The following LRRC69 variants were observed in gnomAD, a reference collection of about 807,000 sequenced individuals.
The protein encoded by LRRC69 is leucine rich repeat containing 69.
LRRC69 carries 42 observed loss-of-function variants against 37.8 expected under a neutral mutation model. The observed-to-expected ratio is 1.11, with a 90% CI of 0.87 to 1.44. LRRC69 has a LOEUF of 1.44. Ranked by LOEUF, LRRC69 falls within the 40% of genes most tolerant of loss-of-function variation. LRRC69 has a pLI of 0.00. For synonymous variants in LRRC69, 141 were observed against 143.1 expected (o/e 0.99, Z 0.11); for missense variants, 357 against 401.9 (o/e 0.89, Z 0.96).
At chr8:91,142,027 A>G (rs551517566) in intron 5 of LRRC69, among the ~76,000 whole-genome samples, 1 of 152,132 alleles carries the variant, frequency 6.6e-6, no homozygotes, top group South Asian at 2.1e-4. Context: ...AACAGAAAAA[A>G]AAGTAAATTA....
At chr8:91,127,605 A>T in intron 3 of LRRC69, among the ~76,000 whole-genome samples, 1 of 29,834 alleles carries the variant, frequency 3.4e-5, no homozygotes, top group African/African-American at 1.1e-4. Flanking sequence ...ATTAACCAAA[A>T]AAAAAAAAAA....
chr8:91,132,239 C>G (rs1813821246), intron 3 of LRRC69, among the ~76,000 whole-genome samples: 1 of 151,902 alleles, frequency 6.6e-6, no homozygotes, highest in Non-Finnish European at 1.5e-5. Flanking sequence ...TTGTTACCTA[C>G]TAGATAGGTA....
In LRRC69 at chr8:91,123,273, A is replaced by G. The variant is rs189363726; in HGVS notation, c.184-1220A>G. Among the ~76,000 whole-genome samples, 5 of 152,194 alleles carry G rather than the reference A, an allele frequency of 3.3e-5. No homozygotes were observed. The East Asian group carries it at 5.8e-4, about 18-fold the overall frequency. On this transcript the variant is annotated intron_variant, in intron 1 of 7. Coordinates refer to ENST00000448384, the Ensembl canonical transcript of LRRC69. ...TGTGGTAATTTTTTATAGCAGTTAT[A>G]GGAAACCAATACAATTACAGACTCT...
At chr8:91,113,996 G>GAAAAAAA (rs1813460333) in intron 1 of LRRC69, among the ~76,000 whole-genome samples, 1 of 64,682 alleles carries the variant, frequency 1.5e-5, no homozygotes, top group Non-Finnish European at 3.3e-5. Flanking sequence ...AAAAAAAAAG[G>GAAAAAAA]TAAAGGACCT....
chr8:91,112,050 A>G (rs1446344507), intron 1 of LRRC69, among the ~76,000 whole-genome samples: 1 of 152,058 alleles, frequency 6.6e-6, no homozygotes. Flanking sequence ...TGTTATAATT[A>G]TTGGAGAACC....
At chr8:91,134,633 A>G (rs1813874966) in intron 4 of LRRC69, among the ~76,000 whole-genome samples, 1 of 152,028 alleles carries the variant, frequency 6.6e-6, no homozygotes, top group Non-Finnish European at 1.5e-5. Context: ...CTTTACCAGC[A>G]TTGTAGGTAT....
chr8:91,206,664 G>A (rs1164704466), intron 7 of LRRC69: 1 of 1,288,628 alleles, frequency 7.8e-7, no homozygotes, highest in African/African-American at 1.5e-5. Flanking sequence ...CTGATGTGCT[G>A]CTACTCTTAT....
At chr8:91,167,881 A>G (rs1018875064) in intron 5 of LRRC69, among the ~76,000 whole-genome samples, 1 of 151,966 alleles carries the variant, frequency 6.6e-6, no homozygotes, top group African/African-American at 2.4e-5. Flanking sequence ...AATTCTTAAA[A>G]TATTAGCTTT....
chr8:91,124,480 T>A lies in LRRC69; in HGVS notation c.184-13T>A. 9 of 1,521,186 alleles carry A rather than the reference T, an allele frequency of 5.9e-6. No homozygotes were observed. The highest frequency in any genetic ancestry group is 7.9e-6 in the Non-Finnish European group (9 of 1,134,346). The allele number at this position is 1,521,186 out of a possible 1,614,324, so 94.2% of individuals were successfully genotyped here. On this transcript the variant is annotated splice_polypyrimidine_tract_variant and intron_variant, in intron 1 of 7. Transcript: ENST00000448384. ...ATGATATATGAGTCCATTAAACCTCTATATGTTTGCAGTTGACAACACTAA... is the reference window on the plus strand; with the variant it reads ...ATGATATATGAGTCCATTAAACCTCAATATGTTTGCAGTTGACAACACTAA...
chr8:91,134,558 C>T lies in LRRC69; in HGVS notation c.580-1110C>T, dbSNP rs181400802. Reference sequence around the variant, plus strand: ...CAGTGAACATGTATCTTTCCCACCCCTTCTACTGACTCACACACCCATCTC... The same window carrying T: ...CAGTGAACATGTATCTTTCCCACCCTTTCTACTGACTCACACACCCATCTC... On this transcript the variant is annotated intron_variant, in intron 4 of 7. Coordinates refer to ENST00000448384, the Ensembl canonical transcript of LRRC69. Among the ~76,000 whole-genome samples, 16 of 151,960 alleles carry T rather than the reference C, an allele frequency of 1.1e-4. 1 individual carries two copies. In the East Asian group the frequency reaches 3.1e-3, roughly 30 times the overall value.
chr8:91,155,901 A>G (rs943897105), intron 5 of LRRC69, among the ~76,000 whole-genome samples: 14 of 149,304 alleles, frequency 9.4e-5, no homozygotes, highest in Non-Finnish European at 2.1e-4. Flanking sequence ...TATATATACA[A>G]CATATATATA....
intron 6 of LRRC69, among the ~76,000 whole-genome samples, chr8:91,192,988 G>A (rs1264095137): frequency 1.2e-4 from 18 of 152,122 alleles, no homozygotes; most frequent in South Asian, 4.2e-4. Context: ...TAGATCTAAC[G>A]TTTAAGTCTT....
intron 1 of LRRC69, among the ~76,000 whole-genome samples, chr8:91,121,908 CAA>C (rs1813630321): frequency 1.3e-5 from 2 of 151,940 alleles, no homozygotes; most frequent in African/African-American, 4.8e-5. Flanking sequence ...CACAAAAAAA[CAA>C]AAACTAAACC....
chr8:91,185,345 G>C (rs879425454), intron 5 of LRRC69, among the ~76,000 whole-genome samples: 88 of 141,566 alleles, frequency 6.2e-4, no homozygotes, highest in South Asian at 1.2e-3. Flanking sequence ...CTGTCTGTCT[G>C]TCTCTCTCTC....
At chr8:91,206,535 G>A (rs554315178) in intron 7 of LRRC69, among the ~76,000 whole-genome samples, 20 of 152,290 alleles carry the variant, frequency 1.3e-4, no homozygotes, top group East Asian at 1.9e-4. Flanking sequence ...TGAGTACAGC[G>A]TGTCAGATTA....
At chr8:91,195,923 C>A (rs1239273035) in intron 6 of LRRC69, among the ~76,000 whole-genome samples, 1 of 152,172 alleles carries the variant, frequency 6.6e-6, no homozygotes, top group Admixed American at 6.5e-5. Flanking sequence ...TTAGTTGATG[C>A]AGTTTCTTCC....
intron 6 of LRRC69, among the ~76,000 whole-genome samples, chr8:91,198,418 C>T (rs906400684): frequency 6.6e-6 from 1 of 152,132 alleles, no homozygotes; most frequent in Admixed American, 6.5e-5. Flanking sequence ...TGAATTTTTG[C>T]TCTTGATGCT....
At chr8:91,131,271 A>T (rs1453824396) in intron 3 of LRRC69, among the ~76,000 whole-genome samples, 1 of 145,442 alleles carries the variant, frequency 6.9e-6, no homozygotes, top group Non-Finnish European at 1.5e-5. Context: ...ATGGGGTCTC[A>T]CTATGTTTTC....
At chr8:91,111,170 G>A (rs1266650096) in intron 1 of LRRC69, among the ~76,000 whole-genome samples, 2 of 152,022 alleles carry the variant, frequency 1.3e-5, no homozygotes, top group Non-Finnish European at 2.9e-5. Context: ...CAACATAAAT[G>A]CCCATCAGTG....
Sources: allele counts gnomAD v4.1 joint callset (sites outside exome capture counted in the v4.1 genomes callset), GRCh38; gene constraint gnomAD v4.1.1; transcripts MANE v1.5; gene names NCBI Gene and HGNC (gene_info 2026-07-23, HGNC 2026-07-21).